Variants in SSR1 observed in about 807,000 individuals in gnomAD.
SSR1 encodes the protein translocon-associated protein subunit alpha.
In SSR1, 13 loss-of-function variants were observed where a neutral mutation model predicts 36.1. The observed-to-expected ratio is 0.36, with a 90% CI of 0.23 to 0.57. The LOEUF (loss-of-function observed/expected upper bound fraction) is 0.57, where lower values mean the gene tolerates loss of function less well. SSR1 is among the 20% of genes least tolerant of loss of function. The pLI, the probability that SSR1 is intolerant of heterozygous loss-of-function variation, is 0.81. For missense variants in SSR1, 291 were observed against 338.5 expected (o/e 0.86, Z 1.10); for synonymous variants, 113 against 118.9 (o/e 0.95, Z 0.32).
At chr6:7,297,097 T>C (rs1757813651) in intron 6 of SSR1, 4 of 338,926 alleles carry the variant, frequency 1.2e-5, no homozygotes, top group East Asian at 2.9e-4. Flanking sequence ...GGCGTGCACC[T>C]GTAGTTCGAC....
At chr6:7,297,135 A>G in intron 6 of SSR1, 1 of 338,704 alleles carries the variant, frequency 3.0e-6, no homozygotes, top group Non-Finnish European at 5.9e-6. Flanking sequence ...TGGGAGGATG[A>G]CTTGAGCCCC....
At chr6:7,300,757 C>G (rs1208123292) in intron 4 of SSR1, among the ~76,000 whole-genome samples, 2 of 152,168 alleles carry the variant, frequency 1.3e-5, no homozygotes, top group Admixed American at 1.3e-4. Context: ...ATTCTCCTGC[C>G]TCAGCCTCCC....
chr6:7,291,540 T>C (rs1046737028), intron 7 of SSR1, among the ~76,000 whole-genome samples: 1 of 152,178 alleles, frequency 6.6e-6, no homozygotes, highest in Admixed American at 6.5e-5. Context: ...AATAGATGGT[T>C]TCAGGGGCTC....
intron 4 of SSR1, among the ~76,000 whole-genome samples, chr6:7,299,311 A>G (rs935538368): frequency 6.6e-5 from 10 of 152,224 alleles, no homozygotes; most frequent in African/African-American, 2.2e-4. Context: ...GTTGTTTGCA[A>G]TCCTTCAAAA....
Position 7,289,791 on chromosome 6 carries a change from G to A in SSR1, c.*73C>T. The A allele has an allele frequency of 2.2e-6, 3 of 1,378,140 alleles. No homozygotes were observed. Among genetic ancestry groups the A allele is most frequent in the Non-Finnish European group, 3.0e-6 (3 of 1,007,102 alleles). The allele number at this position is 1,378,140 out of a possible 1,614,324, so 85.4% of individuals were successfully genotyped here. A position where few individuals can be genotyped will look rare whatever the true frequency, so the allele number is the denominator to read the frequency against. On this transcript the variant is annotated 3_prime_UTR_variant, in exon 8 of 8. Coordinates refer to ENST00000244763, the MANE Select transcript of SSR1 (RefSeq NM_003144.5). ...CCTTCTATGGTGACATGGCTTCTCTGCACTAATTCCCATCAGGCCGAAAAA... is the reference window on the plus strand; with the variant it reads ...CCTTCTATGGTGACATGGCTTCTCTACACTAATTCCCATCAGGCCGAAAAA...
rs1435583246 is a variant in SSR1, at chr6:7,284,597, C to T, written c.*5267G>A. The stretch of plus-strand genomic sequence containing the variant: ...CCAGGCAATGTTCTAAGCAGCTACA[C>T]ACAGTAACTCCTAACAACCTTAGGA... On this transcript the variant is annotated 3_prime_UTR_variant, in exon 8 of 8. Transcript: ENST00000244763. The T allele has an allele frequency of 6.6e-6, 1 of 152,182 alleles. No individual in the cohort carries two copies. Among genetic ancestry groups the T allele is most frequent in the African/African-American group, 2.4e-5 (1 of 41,438 alleles). The allele number at this position is 152,182 out of a possible 1,614,324, so 9.4% of individuals were successfully genotyped here. A position where few individuals can be genotyped will look rare whatever the true frequency, so the allele number is the denominator to read the frequency against.
intron 6 of SSR1, among the ~76,000 whole-genome samples, chr6:7,296,253 A>T (rs1360878874): frequency 6.6e-6 from 1 of 152,244 alleles, no homozygotes; most frequent in Non-Finnish European, 1.5e-5. Flanking sequence ...CATAAGAAAC[A>T]GTATTAATTA....
At position 7,282,815 on chromosome 6, in the gene SSR1, C is replaced by T. The variant is rs1757457272; in HGVS notation, c.*7049G>A. 6.6e-6 allele frequency: 1 copy of T among 152,206 alleles called. No homozygotes were observed. Among genetic ancestry groups the T allele is most frequent in the East Asian group, 1.9e-4 (1 of 5,194 alleles). 9.4% of individuals were successfully genotyped at this position (152,206 alleles called of 1,614,324 possible). A position where few individuals can be genotyped will look rare whatever the true frequency, so the allele number is the denominator to read the frequency against. On this transcript the variant is annotated 3_prime_UTR_variant, in exon 8 of 8. Coordinates refer to ENST00000244763, the MANE Select transcript of SSR1 (RefSeq NM_003144.5). ...CTTGTAGGACCAAATGAGAAAAATA[C>T]ATAATCATTATGTTTTAGCCAGAAA... is the stretch of plus-strand genomic sequence containing the variant.
At chr6:7,310,341 C>T (rs1758163083) in intron 1 of SSR1, among the ~76,000 whole-genome samples, 1 of 151,724 alleles carries the variant, frequency 6.6e-6, no homozygotes. Context: ...GATCCTTCCA[C>T]CTCAGCTTCC....
chr6:7,303,219 C>T (rs944221472), intron 3 of SSR1, among the ~76,000 whole-genome samples: 3 of 142,350 alleles, frequency 2.1e-5, no homozygotes, highest in African/African-American at 7.8e-5. Flanking sequence ...TCATCTTTCT[C>T]AGGAGGCTGA....
chr6:7,298,068 A>G, intron 5 of SSR1, 67 bp from the exon 6 acceptor site: 3 of 1,186,966 alleles, frequency 2.5e-6, no homozygotes, highest in Admixed American at 1.9e-5. Context: ...AATTACAACT[A>G]TAATTATAAC....
chr6:7,291,692 A>G (rs1757685045), intron 7 of SSR1, among the ~76,000 whole-genome samples: 1 of 152,250 alleles, frequency 6.6e-6, no homozygotes, highest in Non-Finnish European at 1.5e-5. Flanking sequence ...AAACTTTTTC[A>G]AATAAGCAGT....
rs1199019101 is a variant in SSR1, at chr6:7,286,963, T to A, written c.*2901A>T. ...AGTACTATGGAAGTACTTAAGTACA[T>A]CTGAAAATGTTTTTAAATTTAAACA... is the stretch of plus-strand genomic sequence containing the variant. On this transcript the variant is annotated 3_prime_UTR_variant, in exon 8 of 8. Coordinates refer to ENST00000244763, the MANE Select transcript of SSR1 (RefSeq NM_003144.5). 1 of 141,384 alleles carries A rather than the reference T, an allele frequency of 7.1e-6. No individual in the cohort carries two copies. Among genetic ancestry groups the A allele is most frequent in the Non-Finnish European group, 1.5e-5 (1 of 64,812 alleles). 8.8% of individuals were successfully genotyped at this position (141,384 alleles called of 1,614,324 possible).
chr6:7,307,148 T>C (rs1194652171), intron 2 of SSR1, among the ~76,000 whole-genome samples: 1 of 152,112 alleles, frequency 6.6e-6, no homozygotes, highest in Non-Finnish European at 1.5e-5. Context: ...GTGATAAATC[T>C]TGGGAACAGC....
intron 7 of SSR1, among the ~76,000 whole-genome samples, chr6:7,291,538 G>A (rs1467404924): frequency 6.6e-6 from 1 of 152,150 alleles, no homozygotes; most frequent in Non-Finnish European, 1.5e-5. Context: ...CTAATAGATG[G>A]TTTCAGGGGC....
intron 4 of SSR1, among the ~76,000 whole-genome samples, 197 bp downstream of exon 4, chr6:7,301,113 T>C (rs995977405): frequency 2.0e-5 from 3 of 152,200 alleles, no homozygotes; most frequent in African/African-American, 7.2e-5. Flanking sequence ...CAGCATGTTC[T>C]AGTGCCTGTT....
chr6:7,312,043 A>T (rs1758205463), intron 1 of SSR1, among the ~76,000 whole-genome samples: 1 of 152,226 alleles, frequency 6.6e-6, no homozygotes, highest in Non-Finnish European at 1.5e-5. Flanking sequence ...TTCACTTTTC[A>T]TCGCAAAACA....
intron 2 of SSR1, among the ~76,000 whole-genome samples, chr6:7,306,197 C>T (rs1406448469): frequency 1.3e-5 from 2 of 152,118 alleles, no homozygotes; most frequent in African/African-American, 4.8e-5. Context: ...GAGTATAGTG[C>T]CCAGGCACGA....
At position 7,295,373 on chromosome 6, in the gene SSR1, A is replaced by G; in HGVS notation, c.793+19T>C. The G allele has an allele frequency of 5.1e-6, 8 of 1,580,460 alleles. No individual in the cohort carries two copies. The highest frequency in any genetic ancestry group is 6.9e-6 in the Non-Finnish European group (8 of 1,159,032). Reference sequence around the variant, plus strand: ...ACTTAAGAGAAAAACTTCCCAGCCAAGTCTGTAAGACTACTTACTGATTTG... The same window carrying G: ...ACTTAAGAGAAAAACTTCCCAGCCAGGTCTGTAAGACTACTTACTGATTTG... On this transcript the variant is annotated intron_variant, in intron 7 of 7. Coordinates refer to ENST00000244763, the MANE Select transcript of SSR1 (RefSeq NM_003144.5).
Sources: gnomAD v4.1 joint callset for allele counts (sites outside exome capture counted in the v4.1 genomes callset) on GRCh38, gnomAD v4.1.1 for gene constraint, MANE v1.5 for transcripts, NCBI Gene and HGNC (gene_info 2026-07-23, HGNC 2026-07-21) for gene names.